CCDC91: variants seen among roughly 807,000 people sequenced by gnomAD.
CCDC91 encodes coiled-coil domain-containing protein 91.
CCDC91 carries 48 observed loss-of-function variants against 63.2 expected under a neutral mutation model. The ratio of observed to expected loss-of-function variants is 0.76; its 90% CI spans 0.60 to 0.97. CCDC91 has a LOEUF of 0.97. CCDC91 is among the 50% of genes least tolerant of loss of function. The pLI is 0.00. For synonymous variants in CCDC91, 167 were observed against 165.8 expected (o/e 1.01, Z -0.06); for missense variants, 500 against 494.6 (o/e 1.01, Z -0.10).
intron 8 of CCDC91, chr12:28,412,884 T>A (rs1947406555): frequency 2.3e-6 from 1 of 428,706 alleles, no homozygotes; most frequent in South Asian, 1.7e-5. Flanking sequence ...AACTCCCTAC[T>A]CGACCCAGGA....
intron 11 of CCDC91, among the ~76,000 whole-genome samples, chr12:28,469,026 A>G (rs1255735598): frequency 4.6e-5 from 7 of 152,094 alleles, no homozygotes; most frequent in Non-Finnish European, 1.0e-4. Context: ...TAGATCTGGA[A>G]CACAACAGGG....
intron 6 of CCDC91, among the ~76,000 whole-genome samples, chr12:28,346,385 C>T (rs1345107174): frequency 6.6e-6 from 1 of 152,084 alleles, no homozygotes; most frequent in East Asian, 1.9e-4. Flanking sequence ...TTCTTGTAAG[C>T]CAAGTACTAC....
chr12:28,526,226 T>A (rs1476924904), intron 12 of CCDC91, among the ~76,000 whole-genome samples: 1 of 152,084 alleles, frequency 6.6e-6, no homozygotes, highest in South Asian at 2.1e-4. Context: ...GAGGTTCTGT[T>A]TTGATGTGTT....
At chr12:28,215,853 C>T (rs1943530431) in intron 1 of CCDC91, among the ~76,000 whole-genome samples, 1 of 151,942 alleles carries the variant, frequency 6.6e-6, no homozygotes, top group South Asian at 2.1e-4. Context: ...TAATTTTCAC[C>T]ACAATGCCAT....
At chr12:28,280,130 G>T (rs1026282194) in intron 3 of CCDC91, among the ~76,000 whole-genome samples, 5 of 151,996 alleles carry the variant, frequency 3.3e-5, no homozygotes, top group Admixed American at 3.3e-4. Context: ...GTACAGACTA[G>T]AACAGAAAGT....
chr12:28,423,640 A>T (rs1214214839), intron 8 of CCDC91, among the ~76,000 whole-genome samples: 1 of 152,172 alleles, frequency 6.6e-6, no homozygotes, highest in African/African-American at 2.4e-5. Context: ...AGTGAAATTC[A>T]AAAGGAATAA....
intron 7 of CCDC91, among the ~76,000 whole-genome samples, chr12:28,375,576 G>A (rs11049562): frequency 0.25 from 37,765 of 151,704 alleles, 5,250 homozygotes; most frequent in East Asian, 0.57. Flanking sequence ...AACCTAATGT[G>A]CCTCATATGC....
intron 1 of CCDC91, among the ~76,000 whole-genome samples, chr12:28,234,619 A>G (rs1181966580): frequency 6.6e-6 from 1 of 152,194 alleles, no homozygotes; most frequent in East Asian, 1.9e-4. Flanking sequence ...GTCTTGTCTT[A>G]TTAACCACTA....
chr12:28,257,303 A>G (rs1223045172), intron 2 of CCDC91, 58 bp downstream of exon 2: 13 of 1,120,124 alleles, frequency 1.2e-5, no homozygotes, highest in Non-Finnish European at 1.8e-5. Context: ...AATGGAGTAA[A>G]CTATTTTGAA....
intron 8 of CCDC91, among the ~76,000 whole-genome samples, chr12:28,444,916 A>G (rs1026113022): frequency 1.3e-5 from 2 of 152,180 alleles, no homozygotes; most frequent in Admixed American, 1.3e-4. Context: ...AAATTTATTA[A>G]AACAATAGAA....
intron 7 of CCDC91, among the ~76,000 whole-genome samples, chr12:28,379,818 G>T (rs975307290): frequency 8.5e-5 from 13 of 152,070 alleles, no homozygotes; most frequent in Non-Finnish European, 1.9e-4. Flanking sequence ...ATACCCAAAG[G>T]GTTATAAATC....
chr12:28,197,299 G>A (rs1419090951), intron 1 of CCDC91, among the ~76,000 whole-genome samples: 5 of 151,980 alleles, frequency 3.3e-5, no homozygotes, highest in Non-Finnish European at 5.9e-5. Flanking sequence ...TTTTTTAAGC[G>A]GTTTAGAGTC....
intron 11 of CCDC91, among the ~76,000 whole-genome samples, chr12:28,473,970 GTGTT>G (rs1056677975): frequency 1.5e-5 from 2 of 132,368 alleles, no homozygotes; most frequent in East Asian, 1.9e-4. Context: ...GTGTGCATGT[GTGTT>G]TGTGTGTGTG....
chr12:28,235,852 G>A (rs145026565), intron 1 of CCDC91, among the ~76,000 whole-genome samples: 63 of 152,040 alleles, frequency 4.1e-4, no homozygotes, highest in African/African-American at 1.4e-3. Flanking sequence ...TGTGTATGAG[G>A]AGGTAAATTT....
intron 6 of CCDC91, among the ~76,000 whole-genome samples, chr12:28,336,249 G>A (rs1299207443): frequency 6.6e-6 from 1 of 152,014 alleles, no homozygotes; most frequent in East Asian, 1.9e-4. Flanking sequence ...TTAGTTGTGA[G>A]CAGAAAGTAA....
intron 12 of CCDC91, among the ~76,000 whole-genome samples, chr12:28,534,299 TGAAG>T (rs1941976324): frequency 6.6e-6 from 1 of 152,214 alleles, no homozygotes. Flanking sequence ...CACAGTGAAA[TGAAG>T]GAAGGAATTC....
intron 1 of CCDC91, among the ~76,000 whole-genome samples, chr12:28,221,358 CTCATT>C (rs1327522896): frequency 6.6e-6 from 1 of 152,072 alleles, no homozygotes; most frequent in East Asian, 1.9e-4. Flanking sequence ...CTCCATCTCT[CTCATT>C]TCTGTGTCTG....
intron 10 of CCDC91, among the ~76,000 whole-genome samples, chr12:28,451,384 T>G (rs1949796540): frequency 6.6e-6 from 1 of 151,624 alleles, no homozygotes; most frequent in Non-Finnish European, 1.5e-5. Flanking sequence ...ATATGTTTGA[T>G]GTGAATAATA....
chr12:28,270,871 A>G (rs2136373185), intron 3 of CCDC91, among the ~76,000 whole-genome samples: 1 of 152,216 alleles, frequency 6.6e-6, no homozygotes, highest in Admixed American at 6.6e-5. Flanking sequence ...TTTCTCCCCC[A>G]TTCAACAAAT....
Sources: allele counts gnomAD v4.1 joint callset (sites outside exome capture counted in the v4.1 genomes callset), GRCh38; gene constraint gnomAD v4.1.1; transcripts MANE v1.5; gene names NCBI Gene and HGNC (gene_info 2026-07-23, HGNC 2026-07-21).